TACC3: variants seen among roughly 807,000 people sequenced by gnomAD.
The protein encoded by TACC3 is transforming acidic coiled-coil-containing protein 3.
In TACC3, 52 loss-of-function variants were observed where a neutral mutation model predicts 86.0. The observed-to-expected ratio is 0.60, with a 90% CI of 0.48 to 0.76. The LOEUF (loss-of-function observed/expected upper bound fraction) is 0.76, where lower values mean the gene tolerates loss of function less well. Among genes scored for constraint, TACC3 ranks in the 30% least tolerant of loss-of-function variants. TACC3 has a pLI of 0.00. For missense variants in TACC3, 1,120 were observed against 1,070.4 expected (o/e 1.05, Z -0.65); for synonymous variants, 512 against 430.0 (o/e 1.19, Z -2.36).
At position 1,737,224 on chromosome 4, in the gene TACC3, C is replaced by A; in HGVS notation, c.1749-17C>A. On this transcript the variant is annotated splice_polypyrimidine_tract_variant and intron_variant, in intron 8 of 15. Transcript: ENST00000313288. ...TGGGAGGGCCTAGTGACTGAGGCTG[C>A]CTCTGCTTGGTGGCAGCATGCACGG... 6.2e-7 allele frequency: 1 copy of A among 1,611,850 alleles called. No homozygotes were observed. The highest frequency in any genetic ancestry group is 8.5e-7 in the Non-Finnish European group (1 of 1,178,208).
Position 1,739,712 on chromosome 4 carries a change from C to T in TACC3, c.1952C>T (p.Thr651Ile). The change falls in exon 11 of 16, where the codon ACA (threonine) becomes ATA (isoleucine). Residue 651 changes from threonine (T) to isoleucine (I), a missense_variant. Physicochemically the swap from Thr to Ile is moderately conservative, Grantham distance 89. Coordinates refer to ENST00000313288, the MANE Select transcript of TACC3 (RefSeq NM_006342.3). ...GTGTGGCCTGAGCAGGTAAAGGCGA[C>T]ACAGGAGGAGAACCGGGAGCTGAGG... ...QKDLDAVVKA[T>I]QEENRELRSR... 3 of 1,581,966 alleles carry T rather than the reference C, an allele frequency of 1.9e-6. No homozygotes were observed. The highest frequency in any genetic ancestry group is 1.8e-5 in the Admixed American group (1 of 54,938).
In TACC3 at chr4:1,735,686, T is replaced by G. The variant is rs1577218147; in HGVS notation, c.1645-45T>G. On this transcript the variant is annotated intron_variant, in intron 7 of 15. Transcript: ENST00000313288. The surrounding 1 kb of genome is among the most constrained non-coding windows in gnomAD (Gnocchi z 4.2). Reference sequence around the variant, plus strand: ...CCTGGCCCTTAGCCCCCGTGTGTGTTAGGGGATGGCAGTCAGACCTGATCA... The same window carrying G: ...CCTGGCCCTTAGCCCCCGTGTGTGTGAGGGGATGGCAGTCAGACCTGATCA... The G allele has an allele frequency of 6.9e-7, 1 of 1,444,670 alleles. No homozygotes were observed. The highest frequency in any genetic ancestry group is 9.7e-7 in the Non-Finnish European group (1 of 1,031,448). The allele number at this position is 1,444,670 out of a possible 1,614,324, so 89.5% of individuals were successfully genotyped here. A position where few individuals can be genotyped will look rare whatever the true frequency, so the allele number is the denominator to read the frequency against.
chr4:1,725,919 G>C (rs942095581), intron 3 of TACC3, among the ~76,000 whole-genome samples: 1 of 152,280 alleles, frequency 6.6e-6, no homozygotes, highest in Non-Finnish European at 1.5e-5. Flanking sequence ...CAGAGGAGTT[G>C]TGAGCAGTCT....
intron 10 of TACC3, chr4:1,738,172 G>A (rs373035411): frequency 7.3e-5 from 23 of 314,180 alleles, no homozygotes; most frequent in South Asian, 3.1e-4. Context: ...TTCTAACTCC[G>A]GGCCTAAATT....
intron 8 of TACC3, among the ~76,000 whole-genome samples, chr4:1,736,252 C>T (rs1325994460): frequency 7.2e-5 from 11 of 151,956 alleles, no homozygotes; most frequent in East Asian, 2.0e-4. Flanking sequence ...GTTGAAACCC[C>T]GTCTCTACTA....
In TACC3 at chr4:1,740,945, C is replaced by T. The variant is rs1419297079; in HGVS notation, c.2182C>T (p.Arg728Cys). 1.2e-6 allele frequency: 2 copies of T among 1,611,358 alleles called. No individual in the cohort carries two copies. The highest frequency in any genetic ancestry group is 1.3e-5 in the African/African-American group (1 of 74,774). The stretch of plus-strand genomic sequence containing the variant: ...GAAGTCCTTCTCCGACCTCTTCAAG[C>T]GTTTTGAGAAACAGAAAGAGGTGAT... ...MEKSFSDLFKRFEKQKEVIEG... is the reference protein window; with the variant it reads ...MEKSFSDLFKCFEKQKEVIEG... Residue 728 changes from arginine (R) to cysteine (C), a missense_variant, in exon 13 of 16, where the codon CGT (arginine) becomes TGT (cysteine). Transcript: ENST00000313288.
chr4:1,740,855 A>G lies in TACC3; in HGVS notation c.2092A>G (p.Lys698Glu), dbSNP rs1392837793. Residue 698 changes from lysine to glutamate, a missense_variant, in exon 13 of 16, where the codon AAA becomes GAA. Lys to Glu is a moderately conservative substitution (Grantham distance 56, BLOSUM62 1). Transcript: ENST00000313288. Reference protein sequence around the residue: ...EEVQKQKELSKAEIQKVLKEK... With the variant: ...EEVQKQKELSEAEIQKVLKEK... ...AGTTCAGAAGCAGAAGGAACTTTCC[A>G]AAGCTGAAATCCAGAAAGTTCTAAA... 3.1e-6 allele frequency: 5 copies of G among 1,610,982 alleles called. No homozygotes were observed. Among genetic ancestry groups the G allele is most frequent in the Admixed American group, 3.4e-5 (2 of 59,320 alleles).
At chr4:1,738,017 AGT>A (rs1718378573) in intron 10 of TACC3, 2 of 431,370 alleles carry the variant, frequency 4.6e-6, no homozygotes, top group South Asian at 3.9e-5. Context: ...CGTGAGCCCG[AGT>A]GTCGCCCCTT....
intron 4 of TACC3, chr4:1,730,568 C>A: frequency 4.1e-6 from 2 of 493,328 alleles, no homozygotes; most frequent in South Asian, 1.6e-5. Context: ...ACATTTGAAG[C>A]CTTTTGTCAG....
At chr4:1,744,423 G>T in intron 13 of TACC3, 95 bp from the exon 14 acceptor site, 2 of 1,182,292 alleles carry the variant, frequency 1.7e-6, no homozygotes, top group East Asian at 4.8e-5. Context: ...TGATGCCCCA[G>T]ACAGCCTCGA....
intron 3 of TACC3, 49 bp downstream of exon 3, chr4:1,723,919 G>T (rs778311755): frequency 6.3e-7 from 1 of 1,598,252 alleles, no homozygotes; most frequent in Non-Finnish European, 8.5e-7. Flanking sequence ...CTCTCTGTCC[G>T]ATGGTTCTTG....
chr4:1,741,776 T>G (rs1718611409), intron 13 of TACC3: 1 of 152,124 alleles, frequency 6.6e-6, no homozygotes, highest in Non-Finnish European at 1.5e-5. Flanking sequence ...TGAAGTCAGG[T>G]GGGTGTCAGT....
intron 13 of TACC3, among the ~76,000 whole-genome samples, chr4:1,743,983 G>T (rs752776868): frequency 3.9e-5 from 6 of 152,160 alleles, no homozygotes; most frequent in Non-Finnish European, 2.9e-5. Context: ...GCAGGAAGAA[G>T]GCAGGTAGGC....
intron 3 of TACC3, among the ~76,000 whole-genome samples, chr4:1,725,683 C>T (rs966428060): frequency 1.3e-5 from 2 of 152,236 alleles, no homozygotes; most frequent in African/African-American, 4.8e-5. Context: ...GAGGTTGGCC[C>T]TGAGGGGCTC....
At chr4:1,737,446 G>A in intron 9 of TACC3, 118 bp downstream of exon 9, 1 of 1,167,054 alleles carries the variant, frequency 8.6e-7, no homozygotes. Context: ...TGGGGGCATG[G>A]GGCCGCTGTG....
rs755020939 is a variant in TACC3 at position 1,744,590 on chromosome 4, G to A, written c.2296G>A (p.Ala766Thr). The change falls in exon 14 of 16, where the codon GCC becomes ACC. Residue 766 changes from alanine (A) to threonine (T), a missense_variant. Coordinates refer to ENST00000313288, the MANE Select transcript of TACC3 (RefSeq NM_006342.3). The stretch of plus-strand genomic sequence containing the variant: ...CACCCAGGAGGGCCAGAGGTACCAA[G>A]CCCTGAAGGCCCACGCGGAGGAGAA... ...RITQEGQRYQ[A>T]LKAHAEEKLQ... is the part of the protein sequence containing the mutation. 1 of 1,613,240 alleles carries A rather than the reference G, an allele frequency of 6.2e-7. No individual in the cohort carries two copies. Among genetic ancestry groups the A allele is most frequent in the Non-Finnish European group, 8.5e-7 (1 of 1,179,994 alleles).
rs918377112 is a variant in TACC3 at position 1,745,071 on chromosome 4, C to A, written c.*58C>A. 8 of 1,512,956 alleles carry A rather than the reference C, an allele frequency of 5.3e-6. No individual in the cohort carries two copies. Among genetic ancestry groups the A allele is most frequent in the Admixed American group, 4.1e-5 (2 of 48,564 alleles). The allele number at this position is 1,512,956 out of a possible 1,614,324, so 93.7% of individuals were successfully genotyped here. ...TCCCGTCTGTCTGTCCTGTCTGATT[C>A]TCTTAGGTGTCATGTTCTTTTTTCT... On this transcript the variant is annotated 3_prime_UTR_variant, in exon 16 of 16. Transcript: ENST00000313288.
In TACC3 at chr4:1,731,273, AGAG is replaced by A. The variant is rs759856154; in HGVS notation, c.1567_1569del (p.Glu523del). Reference sequence around the variant, plus strand: ...AGGGGCAGCCTGCCTTGGAGCTGAAAGAGGAGAGCTTCAGAGACCCCGCTGAGG... The same window carrying A: ...AGGGGCAGCCTGCCTTGGAGCTGAAAGAGAGCTTCAGAGACCCCGCTGAGG... On this transcript the variant is annotated inframe_deletion, in exon 6 of 16. Coordinates refer to ENST00000313288, the MANE Select transcript of TACC3 (RefSeq NM_006342.3). 1.2e-6 allele frequency: 2 copies of A among 1,613,198 alleles called. No homozygotes were observed. The highest frequency in any genetic ancestry group is 1.3e-5 in the African/African-American group (1 of 74,934).
Position 1,740,916 on chromosome 4 carries a change from T to G in TACC3, c.2153T>G (p.Met718Arg). 1 of 1,613,134 alleles carries G rather than the reference T, an allele frequency of 6.2e-7. No homozygotes were observed. The highest frequency in any genetic ancestry group is 8.5e-7 in the Non-Finnish European group (1 of 1,179,730). The part of the protein sequence containing the change: ...KDQLTTDLNS[M>R]EKSFSDLFKR... The stretch of plus-strand genomic sequence containing the variant: ...CAACTTACCACAGATCTGAACTCCA[T>G]GGAGAAGTCCTTCTCCGACCTCTTC... Residue 718 changes from methionine to arginine, a missense_variant, in exon 13 of 16, where the codon ATG (methionine) becomes AGG (arginine). Met to Arg is a moderately conservative substitution (Grantham distance 91). Coordinates refer to ENST00000313288, the MANE Select transcript of TACC3 (RefSeq NM_006342.3).
Sources: allele counts gnomAD v4.1 joint callset (sites outside exome capture counted in the v4.1 genomes callset), GRCh38; gene constraint gnomAD v4.1.1; non-coding constraint Gnocchi (gnomAD v3.1); transcripts MANE v1.5; gene names NCBI Gene and HGNC (gene_info 2026-07-23, HGNC 2026-07-21).